Variants in PACS1 observed in about 807,000 individuals in gnomAD.
PACS1 encodes phosphofurin acidic cluster sorting protein 1.
PACS1 carries 24 observed loss-of-function variants against 115.0 expected under a neutral mutation model. The ratio of observed to expected loss-of-function variants is 0.21; its 90% confidence interval spans 0.15 to 0.29. The LOEUF (loss-of-function observed/expected upper bound fraction) is 0.29, where lower values mean the gene tolerates loss of function less well. Among genes scored for constraint, PACS1 ranks in the 10% least tolerant of loss-of-function variants. PACS1 has a pLI of 1.00. For missense variants in PACS1, 838 were observed against 1,251.2 expected (o/e 0.67, Z 4.98); for synonymous variants, 453 against 504.5 (o/e 0.90, Z 1.37).
At chr11:66,185,602 T>C (rs575290250) in intron 1 of PACS1, among the ~76,000 whole-genome samples, 8 of 152,268 alleles carry the variant, frequency 5.3e-5, no homozygotes, top group African/African-American at 1.9e-4. Flanking sequence ...CCAGCTGCCA[T>C]ATCCCCATGC....
In PACS1 at chr11:66,216,605, T is replaced by C; in HGVS notation, c.891T>C (p.His297=). The C allele has an allele frequency of 6.2e-7, 1 of 1,613,746 alleles. No homozygotes were observed. Among genetic ancestry groups the C allele is most frequent in the Non-Finnish European group, 8.5e-7 (1 of 1,179,620 alleles). ...AGGAAGGCAGTGATGATCCATTGCA[T>C]GGGCAGGTAACTTTCTGTGGTCCCT... ...SEQEGSDDPL[H]GQDLFYEDED... Residue 297 remains histidine, a synonymous_variant, in exon 6 of 24, where the codon CAT becomes CAC. Transcript: ENST00000320580.
intron 21 of PACS1, among the ~76,000 whole-genome samples, 200 bp downstream of exon 21, chr11:66,239,477 G>A (rs1322539830): frequency 2.6e-5 from 4 of 152,074 alleles, no homozygotes; most frequent in Non-Finnish European, 5.9e-5. Context: ...CCATGACTGC[G>A]CCACTGCACT....
chr11:66,129,673 C>T (rs1858659911), intron 1 of PACS1, among the ~76,000 whole-genome samples: 1 of 151,818 alleles, frequency 6.6e-6, no homozygotes, highest in South Asian at 2.1e-4. Context: ...GTGTGAGGCA[C>T]CCAGCACTGC....
At chr11:66,231,951 C>T in intron 13 of PACS1, 1 of 481,160 alleles carries the variant, frequency 2.1e-6, no homozygotes, top group Non-Finnish European at 3.7e-6. Context: ...TGGCTTTGTT[C>T]CTCATCTCCA....
At chr11:66,119,267 T>A (rs1316784924) in intron 1 of PACS1, among the ~76,000 whole-genome samples, 1 of 152,214 alleles carries the variant, frequency 6.6e-6, no homozygotes, top group African/African-American at 2.4e-5. Flanking sequence ...AGTAGTAATA[T>A]TTTGTGACAT....
At chr11:66,156,405 C>T (rs1859361871) in intron 1 of PACS1, among the ~76,000 whole-genome samples, 1 of 151,298 alleles carries the variant, frequency 6.6e-6, no homozygotes, top group Admixed American at 6.6e-5. Context: ...CCACCACGCC[C>T]AGCTAATTTT....
chr11:66,203,961 A>G (rs1854875707), intron 2 of PACS1, among the ~76,000 whole-genome samples: 1 of 152,190 alleles, frequency 6.6e-6, no homozygotes, highest in South Asian at 2.1e-4. Flanking sequence ...AAAAGAAAAC[A>G]TTGGGGAAAC....
chr11:66,136,515 C>T (rs987544171), intron 1 of PACS1, among the ~76,000 whole-genome samples: 1 of 152,056 alleles, frequency 6.6e-6, no homozygotes, highest in Non-Finnish European at 1.5e-5. Context: ...GCTGTGATAG[C>T]CCATCATTAT....
chr11:66,229,529 A>T (rs1337018559), intron 11 of PACS1, among the ~76,000 whole-genome samples: 2 of 151,956 alleles, frequency 1.3e-5, no homozygotes, highest in Admixed American at 1.3e-4. Context: ...TCTACTAAAA[A>T]TAAGCCGGGC....
intron 1 of PACS1, among the ~76,000 whole-genome samples, chr11:66,160,643 T>A (rs1411495132): frequency 6.7e-6 from 1 of 150,286 alleles, no homozygotes; most frequent in Non-Finnish European, 1.5e-5. Flanking sequence ...ACTACAGGCA[T>A]GTGCCACCAT....
rs580891 is a variant in PACS1, at chr11:66,187,210, T to A, written c.357-6276T>A. Among the ~76,000 whole-genome samples the A allele has an allele frequency of 7.5e-3, 1,143 of 152,118 alleles. 8 individuals are homozygous for A. Among genetic ancestry groups the A allele is most frequent in the Middle Eastern group, 0.017 (5 of 294 alleles). ...TATTTAATTTTAAAATTGACCGATC[T>A]TACATATTCATGGGGTACGTAGAGA... On this transcript the variant is annotated intron_variant, in intron 1 of 23. Coordinates refer to ENST00000320580, the MANE Select transcript of PACS1 (RefSeq NM_018026.4).
chr11:66,114,894 C>T (rs1433113482), intron 1 of PACS1, among the ~76,000 whole-genome samples: 1 of 152,072 alleles, frequency 6.6e-6, no homozygotes, highest in Non-Finnish European at 1.5e-5. Context: ...AAGAAGCATA[C>T]ATCTCTAAGG....
intron 10 of PACS1, among the ~76,000 whole-genome samples, chr11:66,225,800 T>C (rs1565154815): frequency 6.6e-6 from 1 of 152,198 alleles, no homozygotes; most frequent in African/African-American, 2.4e-5. Context: ...TTTGTCATAT[T>C]GAGATCGAAA....
chr11:66,142,354 T>C (rs896961646), intron 1 of PACS1, among the ~76,000 whole-genome samples: 5 of 152,176 alleles, frequency 3.3e-5, no homozygotes, highest in Admixed American at 6.5e-5. Context: ...GGTCTCACAC[T>C]GTCGCCCAGG....
At chr11:66,107,125 T>G (rs887577748) in intron 1 of PACS1, among the ~76,000 whole-genome samples, 8 of 152,200 alleles carry the variant, frequency 5.3e-5, no homozygotes, top group African/African-American at 1.9e-4. Flanking sequence ...TGAGTCTACA[T>G]GAAATGACTC....
intron 1 of PACS1, among the ~76,000 whole-genome samples, chr11:66,122,481 T>C (rs1388603055): frequency 1.3e-5 from 2 of 152,230 alleles, no homozygotes; most frequent in Non-Finnish European, 2.9e-5. Context: ...ATAGCTGCCA[T>C]AGGTAGTGAT....
At chr11:66,237,880 A>G (rs2134746761) in intron 19 of PACS1, among the ~76,000 whole-genome samples, 1 of 152,372 alleles carries the variant, frequency 6.6e-6, no homozygotes, top group South Asian at 2.1e-4. Context: ...GAATCGGGAC[A>G]GACTTCAGCA....
In PACS1 at chr11:66,243,591, C is replaced by G. The variant is rs975843117; in HGVS notation, c.*311C>G. The G allele has an allele frequency of 3.2e-6, 1 of 310,458 alleles. No individual in the cohort carries two copies. The highest frequency in any genetic ancestry group is 4.5e-5 in the Admixed American group (1 of 22,236). 19.2% of individuals were successfully genotyped at this position (310,458 alleles called of 1,614,324 possible). ...TGAGTCCCCCAGGCCTTCCTTCACC[C>G]GACTTCCAAACTCTTCCTTGTGGTA... On this transcript the variant is annotated 3_prime_UTR_variant, in exon 24 of 24. Transcript: ENST00000320580.
chr11:66,178,590 A>T (rs1045348631), intron 1 of PACS1, among the ~76,000 whole-genome samples: 9 of 152,182 alleles, frequency 5.9e-5, no homozygotes, highest in Admixed American at 2.0e-4. Context: ...AATGTTTTAA[A>T]TGTTTACTTA....
Sources: allele counts gnomAD v4.1 joint callset (sites outside exome capture counted in the v4.1 genomes callset), GRCh38; gene constraint gnomAD v4.1.1; transcripts MANE v1.5; gene names NCBI Gene and HGNC (gene_info 2026-07-23, HGNC 2026-07-21).